MGAM: variants seen among roughly 807,000 people sequenced by gnomAD.
The protein encoded by MGAM is alpha-1,4-glucosidase.
In MGAM, 253 loss-of-function variants were observed where a neutral mutation model predicts 358.8. The observed-to-expected ratio is 0.71, with a 90% confidence interval of 0.64 to 0.78. The LOEUF (loss-of-function observed/expected upper bound fraction) is 0.78. Among genes scored for constraint, MGAM ranks in the 30% least tolerant of loss-of-function variants. MGAM has a pLI of 0.00. For missense variants in MGAM, 3,080 were observed against 3,432.6 expected (o/e 0.90, Z 2.57); for synonymous variants, 1,105 against 1,227.1 (o/e 0.90, Z 2.08).
chr7:142,067,961 TATAAATATATATATATATATATA>T (rs1812953390), intron 42 of MGAM, among the ~76,000 whole-genome samples: 2 of 34,884 alleles, frequency 5.7e-5, no homozygotes, highest in African/African-American at 1.7e-4. Flanking sequence ...TATATATATA[TATAAATATATATATATATATATA>T]TATTTTTTTT....
At chr7:142,097,294 T>C (rs1177117593) in intron 65 of MGAM, among the ~76,000 whole-genome samples, 1 of 152,082 alleles carries the variant, frequency 6.6e-6, no homozygotes, top group African/African-American at 2.4e-5. Context: ...CCTCAGTTGT[T>C]TGTCTCTTTA....
chr7:142,079,331 G>A (rs1354282395), intron 49 of MGAM, among the ~76,000 whole-genome samples: 1 of 145,510 alleles, frequency 6.9e-6, no homozygotes. Flanking sequence ...GGAGAACAGT[G>A]CACCTAGTTG....
At chr7:142,052,490 C>T (rs1405978337) in intron 25 of MGAM, 44 bp downstream of exon 25, 1 of 1,606,038 alleles carries the variant, frequency 6.2e-7, no homozygotes, top group Non-Finnish European at 8.5e-7. Flanking sequence ...ATCTCCACAC[C>T]TAATCTGTAG....
In MGAM at chr7:142,024,770, A is replaced by G. The variant is rs370022868; in HGVS notation, c.883-280A>G. Among the ~76,000 whole-genome samples the G allele has an allele frequency of 1.4e-4, 22 of 152,210 alleles. 1 individual carries two copies. Among genetic ancestry groups the G allele is most frequent in the Admixed American group, 1.0e-3 (16 of 15,276 alleles). On this transcript the variant is annotated intron_variant, in intron 7 of 70. Transcript: ENST00000475668. The stretch of plus-strand genomic sequence containing the variant: ...TTTGAGAGGGCAGTTTTTCTGAATT[A>G]CATTTTAAAAATTCCTATCCTCTTA...
intron 1 of MGAM, among the ~76,000 whole-genome samples, chr7:142,003,314 A>G (rs564165354): frequency 3.3e-5 from 5 of 152,254 alleles, no homozygotes; most frequent in African/African-American, 9.6e-5. Context: ...CCTGACTTCA[A>G]ATTACTCTAA....
intron 26 of MGAM, among the ~76,000 whole-genome samples, chr7:142,053,246 T>C (rs940676739): frequency 3.9e-5 from 6 of 152,164 alleles, no homozygotes; most frequent in African/African-American, 1.4e-4. Flanking sequence ...GGCTACCAGT[T>C]AGGCAGGTCA....
Position 142,078,050 on chromosome 7 carries a change from C to T in MGAM, c.5494-268C>T, listed in dbSNP as rs1352199603. On this transcript the variant is annotated intron_variant, in intron 47 of 70. Coordinates refer to ENST00000475668, the MANE Select transcript of MGAM (RefSeq NM_001365693.1). Reference sequence around the variant, plus strand: ...AGGGTAGAAAAGAATAAGGGGTGATCGCGACAGGTTTTATTTGACCTAATT... The same window carrying T: ...AGGGTAGAAAAGAATAAGGGGTGATTGCGACAGGTTTTATTTGACCTAATT... Among the ~76,000 whole-genome samples the T allele has an allele frequency of 4.1e-5, 6 of 145,008 alleles. 2 individuals are homozygous for T. The highest frequency in any genetic ancestry group is 2.1e-4 in the Admixed American group (3 of 14,330).
chr7:142,053,708 T>C (rs535623489), intron 26 of MGAM, among the ~76,000 whole-genome samples: 3 of 152,316 alleles, frequency 2.0e-5, no homozygotes, highest in East Asian at 1.9e-4. Context: ...AGTGCTGTAA[T>C]GTTATTGACA....
At chr7:141,994,350 T>C (rs1804083280), upstream of MGAM, among the ~76,000 whole-genome samples, 1 of 152,136 alleles carries the variant, frequency 6.6e-6, no homozygotes, top group African/African-American at 2.4e-5. Flanking sequence ...CCCCTCTCCC[T>C]CAGGATTCAA....
At chr7:142,022,047 C>A (rs1806513350) in intron 6 of MGAM, among the ~76,000 whole-genome samples, 1 of 152,096 alleles carries the variant, frequency 6.6e-6, no homozygotes, top group Non-Finnish European at 1.5e-5. Flanking sequence ...ATGTAGTAGG[C>A]TGTCTGGTCT....
At chr7:142,060,242 A>G in intron 33 of MGAM, 69 bp from the exon 34 acceptor site, 1 of 1,581,668 alleles carries the variant, frequency 6.3e-7, no homozygotes, top group South Asian at 1.1e-5. Context: ...TTGTATAACA[A>G]TTTATTAGGA....
chr7:142,103,417 T>G lies in MGAM; in HGVS notation c.8162T>G (p.Phe2721Cys). 6.2e-7 allele frequency: 1 copy of G among 1,606,950 alleles called. No homozygotes were observed. ...AGTGGCATGGTCATAACACCCTCCT[T>G]CAACAATGACCCCACGACACAGGTT... Reference protein sequence around the residue: ...SVSGMVITPSFNNDPTTQVLS... With the variant: ...SVSGMVITPSCNNDPTTQVLS... The change falls in exon 70 of 71, where the codon TTC (phenylalanine) becomes TGC (cysteine). Residue 2721 changes from phenylalanine (F) to cysteine (C), a missense_variant. This residue lies in a region of MGAM where 194 missense variants were observed against 172.8 expected (regional missense o/e 1.12). Coordinates refer to ENST00000475668, the MANE Select transcript of MGAM (RefSeq NM_001365693.1).
At chr7:142,027,879 A>T (rs1807118291) in intron 10 of MGAM, 144 bp downstream of exon 10, 3 of 658,270 alleles carry the variant, frequency 4.6e-6, no homozygotes, top group Non-Finnish European at 6.4e-6. Flanking sequence ...AATACTAGAC[A>T]TTTTTTTTTT....
chr7:142,044,999 T>C (rs1389021571), intron 21 of MGAM, among the ~76,000 whole-genome samples: 4 of 106,906 alleles, frequency 3.7e-5, no homozygotes, highest in South Asian at 2.9e-4. Context: ...TATACACGTG[T>C]AATATATGAT....
chr7:142,041,282 A>C (rs139900538), intron 21 of MGAM, among the ~76,000 whole-genome samples: 2 of 152,244 alleles, frequency 1.3e-5, no homozygotes, highest in East Asian at 3.9e-4. Context: ...AAAGAGGTGC[A>C]CATTTATATC....
rs1025308406 is a variant in MGAM at position 142,106,211 on chromosome 7, A to G, written c.*320A>G. ...GAAGTGTGTGTATGTCCACGTTTGT[A>G]ATCATAGAATGGACCCCATTCTTTT... On this transcript the variant is annotated 3_prime_UTR_variant, in exon 71 of 71. Coordinates refer to ENST00000475668, the MANE Select transcript of MGAM (RefSeq NM_001365693.1). The G allele has an allele frequency of 1.1e-5, 2 of 176,648 alleles. No homozygotes were observed. The highest frequency in any genetic ancestry group is 4.7e-5 in the African/African-American group (2 of 42,246). 10.9% of individuals were successfully genotyped at this position (176,648 alleles called of 1,614,324 possible).
chr7:142,073,783 A>G (rs1813527444), intron 44 of MGAM, among the ~76,000 whole-genome samples: 1 of 145,298 alleles, frequency 6.9e-6, no homozygotes. Flanking sequence ...CTCTTCTCAT[A>G]CTCTGTATTC....
At chr7:142,100,982 A>G in intron 68 of MGAM, 92 bp downstream of exon 68, 1 of 1,135,904 alleles carries the variant, frequency 8.8e-7, no homozygotes, top group Non-Finnish European at 1.2e-6. Flanking sequence ...CCCTATTATA[A>G]CAATTTTGCA....
chr7:141,999,118 G>A (rs1430574518), intron 1 of MGAM, among the ~76,000 whole-genome samples: 2 of 152,044 alleles, frequency 1.3e-5, no homozygotes, highest in East Asian at 3.8e-4. Context: ...GTTCATTGTT[G>A]TGTAGTCAGT....
Sources: gnomAD v4.1 joint callset for allele counts (sites outside exome capture counted in the v4.1 genomes callset) on GRCh38, gnomAD v4.1.1 for gene constraint, gnomAD v4.1.1 regional missense constraint, MANE v1.5 for transcripts, NCBI Gene and HGNC (gene_info 2026-07-23, HGNC 2026-07-21) for gene names.